Variants in TRMT11 observed in about 807,000 individuals in gnomAD.
The protein encoded by TRMT11 is tRNA (guanine(10)-N(2))-methyltransferase TRMT11.
TRMT11 carries 53 observed loss-of-function variants against 62.8 expected under a neutral mutation model. The observed-to-expected ratio is 0.84, with a 90% CI of 0.68 to 1.06. The LOEUF is 1.06. TRMT11 is among the 50% of genes least tolerant of loss of function. The probability of loss-of-function intolerance (pLI) is 0.00; values close to 1 mark genes in which losing one functional copy is unlikely to be tolerated. For missense variants in TRMT11, 556 were observed against 553.4 expected (o/e 1.00, Z -0.05); for synonymous variants, 188 against 190.3 (o/e 0.99, Z 0.10).
the TRMT11 span, among the ~76,000 whole-genome samples, chr6:126,244,104 C>T: frequency 6.6e-6 from 1 of 151,966 alleles, no homozygotes; most frequent in Non-Finnish European, 1.5e-5. Flanking sequence ...AAAATAGACT[C>T]ATTCATCTGA....
intron 21 of TRMT11, among the ~76,000 whole-genome samples, chr6:126,134,085 T>C (rs1583884907): frequency 2.0e-5 from 3 of 151,954 alleles, no homozygotes; most frequent in South Asian, 2.1e-4. Context: ...TAGTAAAATA[T>C]AAAAATGTGT....
chr6:126,198,920 G>A (rs910494447), intron 2 of TRMT11: 2 of 152,124 alleles, frequency 1.3e-5, no homozygotes, highest in African/African-American at 4.8e-5. Flanking sequence ...TAGTTAAAAC[G>A]ACCATGAAGG....
At chr6:126,225,446 C>T in the TRMT11 span, among the ~76,000 whole-genome samples, 1 of 151,876 alleles carries the variant, frequency 6.6e-6, no homozygotes, top group South Asian at 2.1e-4. Context: ...CCAGGGTCTG[C>T]ACTCTTCCTC....
At chr6:126,230,922 G>A in the TRMT11 span, among the ~76,000 whole-genome samples, 3 of 152,140 alleles carry the variant, frequency 2.0e-5, no homozygotes, top group Admixed American at 2.0e-4. Context: ...CTCATTGTGA[G>A]ATTCATTGAT....
At chr6:126,176,482 T>C (rs1030491070), upstream of TRMT11, among the ~76,000 whole-genome samples, 1 of 152,182 alleles carries the variant, frequency 6.6e-6, no homozygotes, top group Non-Finnish European at 1.5e-5. Context: ...GGTTATCTTG[T>C]CTAGAAAAAG....
chr6:125,996,599 C>G (rs1417179800), intron 3 of TRMT11, among the ~76,000 whole-genome samples: 1 of 151,380 alleles, frequency 6.6e-6, no homozygotes, highest in Non-Finnish European at 1.5e-5. Context: ...TCTTTCATTT[C>G]TTTTTTCTTT....
intron 21 of TRMT11, among the ~76,000 whole-genome samples, chr6:126,144,831 G>A (rs1470967738): frequency 6.6e-6 from 1 of 152,118 alleles, no homozygotes; most frequent in Non-Finnish European, 1.5e-5. Flanking sequence ...TGTGGAAGAT[G>A]AAAAAAGCCA....
chr6:126,179,187 C>T (rs1225476528), intron 1 of TRMT11, among the ~76,000 whole-genome samples: 1 of 152,144 alleles, frequency 6.6e-6, no homozygotes, highest in Non-Finnish European at 1.5e-5. Context: ...TGTGGACCTT[C>T]TTCCTTCCTG....
At chr6:126,184,018 A>G (rs1778498719) in intron 1 of TRMT11, among the ~76,000 whole-genome samples, 1 of 152,148 alleles carries the variant, frequency 6.6e-6, no homozygotes, top group East Asian at 1.9e-4. Context: ...GAAAATGACT[A>G]ATAATAATAG....
intron 17 of TRMT11, among the ~76,000 whole-genome samples, chr6:126,086,363 C>T (rs982856594): frequency 1.3e-5 from 2 of 152,122 alleles, no homozygotes; most frequent in East Asian, 1.9e-4. Context: ...TCCAGTGTCC[C>T]GAGCTAGAAA....
the TRMT11 span, chr6:126,258,311 C>T: frequency 1.6e-3 from 686 of 425,742 alleles, 2 homozygotes; most frequent in African/African-American, 8.2e-3. Flanking sequence ...ACCACTGCCC[C>T]GCCCTGGGGC....
intron 21 of TRMT11, among the ~76,000 whole-genome samples, chr6:126,142,680 G>A (rs960432462): frequency 6.6e-6 from 1 of 152,052 alleles, no homozygotes; most frequent in Non-Finnish European, 1.5e-5. Context: ...AAAATAAAAT[G>A]TTTTTGTAAA....
intron 1 of TRMT11, among the ~76,000 whole-genome samples, chr6:125,989,991 C>A (rs1420765887): frequency 6.6e-6 from 1 of 152,046 alleles, no homozygotes; most frequent in Non-Finnish European, 1.5e-5. Flanking sequence ...ATGTTTATTT[C>A]TTTTAGCTTT....
chr6:126,000,272 A>T (rs1792251402), intron 7 of TRMT11, among the ~76,000 whole-genome samples: 1 of 152,112 alleles, frequency 6.6e-6, no homozygotes, highest in Non-Finnish European at 1.5e-5. Flanking sequence ...GATCTTGCCC[A>T]TACCCAGCAA....
At chr6:126,074,735 T>C (rs1385147737) in intron 17 of TRMT11, among the ~76,000 whole-genome samples, 2 of 152,200 alleles carry the variant, frequency 1.3e-5, no homozygotes, top group African/African-American at 4.8e-5. Context: ...ATGAAACCTA[T>C]GTAAATAGTA....
At chr6:125,997,406 G>A (rs1260060344) in intron 3 of TRMT11, among the ~76,000 whole-genome samples, 1 of 152,226 alleles carries the variant, frequency 6.6e-6, no homozygotes, top group Non-Finnish European at 1.5e-5. Context: ...TTTTGAGCAT[G>A]CGACAAAAAG....
At chr6:126,022,023 G>T (rs1228857051) in intron 12 of TRMT11, among the ~76,000 whole-genome samples, 1 of 149,264 alleles carries the variant, frequency 6.7e-6, no homozygotes, top group Non-Finnish European at 1.5e-5. Flanking sequence ...GCAGAAGAAA[G>T]GTGGTAGTGT....
At chr6:126,089,162 G>A (rs541145290) in intron 17 of TRMT11, among the ~76,000 whole-genome samples, 9 of 150,528 alleles carry the variant, frequency 6.0e-5, no homozygotes, top group African/African-American at 2.0e-4. Context: ...CACCCAGGCT[G>A]GAGTGCAGTG....
intron 2 of TRMT11, 120 bp from the exon 3 acceptor site, chr6:125,995,847 G>A (rs1377386037): frequency 1.0e-5 from 7 of 685,556 alleles, no homozygotes; most frequent in East Asian, 5.5e-5. Flanking sequence ...GTTACAGTCA[G>A]ATCAGATATT....
Sources: gnomAD v4.1 joint callset for allele counts (sites outside exome capture counted in the v4.1 genomes callset) on GRCh38, gnomAD v4.1.1 for gene constraint, MANE v1.5 for transcripts, NCBI Gene and HGNC (gene_info 2026-07-23, HGNC 2026-07-21) for gene names.